SYTL1: variants seen among roughly 807,000 people sequenced by gnomAD.
SYTL1 encodes synaptotagmin-like protein 1.
A neutral mutation model predicts 74.6 loss-of-function variants in SYTL1; 53 were observed. The ratio of observed to expected loss-of-function variants is 0.71; its 90% CI spans 0.57 to 0.89. The LOEUF (loss-of-function observed/expected upper bound fraction) is 0.89, where lower values mean the gene tolerates loss of function less well. Among genes scored for constraint, SYTL1 ranks in the 40% least tolerant of loss-of-function variants. SYTL1 has a pLI of 0.00. For missense variants in SYTL1, 728 were observed against 768.7 expected (o/e 0.95, Z 0.63); for synonymous variants, 329 against 324.9 (o/e 1.01, Z -0.14).
At position 27,347,529 on chromosome 1, in the gene SYTL1, C is replaced by A. The variant is rs2015050630; in HGVS notation, c.300C>A (p.Asp100Glu). The stretch of plus-strand genomic sequence containing the variant: ...ACCACAATGCCCACTTCGGCTCTGA[C>A]CTTGTCCGAGCGTCTATGCGCAGGA... ...QRHHNAHFGS[D>E]LVRASMRRKK... The change falls in exon 3 of 15, where the codon GAC (aspartate) becomes GAA (glutamate). Residue 100 changes from aspartate to glutamate, a missense_variant. By Grantham distance (45) the Asp-to-Glu change is conservative. Transcript: ENST00000616558. This position sits in a 1 kb window ranked among gnomAD's most constrained non-coding sequence, Gnocchi z 4.9. 3.1e-6 allele frequency: 5 copies of A among 1,614,116 alleles called. No individual in the cohort carries two copies. Among genetic ancestry groups the A allele is most frequent in the Non-Finnish European group, 1.7e-6 (2 of 1,180,048 alleles).
rs2148033590 is a variant in SYTL1 at position 27,349,065 on chromosome 1, C to G, written c.460-15C>G. On this transcript the variant is annotated splice_polypyrimidine_tract_variant and intron_variant, in intron 5 of 14. Coordinates refer to ENST00000616558, the MANE Select transcript of SYTL1 (RefSeq NM_001193308.2). ...CAGCCCCCGTACTGTGACCTCTACC[C>G]CTTTCTTCCTTCAGGGACCTGATTT... The G allele has an allele frequency of 6.2e-7, 1 of 1,606,596 alleles. No homozygotes were observed. Among genetic ancestry groups the G allele is most frequent in the African/African-American group, 1.3e-5 (1 of 74,850 alleles).
At position 27,353,487 on chromosome 1, in the gene SYTL1, C is replaced by T. The variant is rs753718528; in HGVS notation, c.1548C>T (p.Thr516=). ...QLGGTRLSLG[T]GSSYGLQVPW... The stretch of plus-strand genomic sequence containing the variant: ...GGGGCACACGCCTCAGCCTGGGCAC[C>T]GGTAAGTGGGACAGCACCCTGAGAC... Residue 516 remains threonine (T), a splice_region_variant and synonymous_variant, in exon 14 of 15, where the codon ACC becomes ACT. Transcript: ENST00000616558. The T allele has an allele frequency of 5.8e-5, 92 of 1,595,562 alleles. No homozygotes were observed. The highest frequency in any genetic ancestry group is 7.3e-5 in the Non-Finnish European group (85 of 1,171,800).
Position 27,350,585 on chromosome 1 carries a change from G to A in SYTL1, c.1005+100G>A. ...GCAGCCAGTAACGTCATTGCCCGGA[G>A]GATCGGCGGAGGGGGCCCATTAACT... On this transcript the variant is annotated intron_variant, in intron 10 of 14. Transcript: ENST00000616558. The surrounding 1 kb of genome is among the most constrained non-coding windows in gnomAD (Gnocchi z 6.3). 1 of 1,159,298 alleles carries A rather than the reference G, an allele frequency of 8.6e-7. No individual in the cohort carries two copies. Among genetic ancestry groups the A allele is most frequent in the Non-Finnish European group, 1.2e-6 (1 of 805,066 alleles). 71.8% of individuals were successfully genotyped at this position (1,159,298 alleles called of 1,614,324 possible). A position where few individuals can be genotyped will look rare whatever the true frequency, so the allele number is the denominator to read the frequency against.
In SYTL1 at chr1:27,351,356, G is replaced by A. The variant is rs1193033133; in HGVS notation, c.1243+20G>A. On this transcript the variant is annotated intron_variant, in intron 12 of 14. Coordinates refer to ENST00000616558, the MANE Select transcript of SYTL1 (RefSeq NM_001193308.2). This position sits in a 1 kb window ranked among gnomAD's most constrained non-coding sequence, Gnocchi z 5.0. ...CCGAGGGTGAGTGACAGCCGGAGAGGCCAAGCTGGACACGCCCTGAAAAGC... is the reference window on the plus strand; with the variant it reads ...CCGAGGGTGAGTGACAGCCGGAGAGACCAAGCTGGACACGCCCTGAAAAGC... 1 of 1,532,914 alleles carries A rather than the reference G, an allele frequency of 6.5e-7. No homozygotes were observed. The highest frequency in any genetic ancestry group is 1.2e-5 in the South Asian group (1 of 81,636). 95.0% of individuals were successfully genotyped at this position (1,532,914 alleles called of 1,614,324 possible).
Position 27,348,451 on chromosome 1 carries a change from C to T in SYTL1, c.459+439C>T, listed in dbSNP as rs1228808153. Among the ~76,000 whole-genome samples, 3 of 152,088 alleles carry T rather than the reference C, an allele frequency of 2.0e-5. No homozygotes were observed. The highest frequency in any genetic ancestry group is 7.2e-5 in the African/African-American group (3 of 41,482). ...AAAAAAAAGGCCGGTCGTGGCAGCT[C>T]ACGCCTATAATCCCAGCACTTTGGG... On this transcript the variant is annotated intron_variant, in intron 5 of 14. Coordinates refer to ENST00000616558, the MANE Select transcript of SYTL1 (RefSeq NM_001193308.2). This position sits in a 1 kb window ranked among gnomAD's most constrained non-coding sequence, Gnocchi z 4.1.
rs2014886629 is a variant in SYTL1, at chr1:27,343,938, T to C, written c.-38-1359T>C. ...CATATGCTGTGTGCAGGTTTTTTTG[T>C]TAGTTTTTGTTTTGAGACGGAGTCT... On this transcript the variant is annotated intron_variant, in intron 1 of 14. Transcript: ENST00000616558. This position sits in a 1 kb window ranked among gnomAD's most constrained non-coding sequence, Gnocchi z 5.2. Among the ~76,000 whole-genome samples, 1 of 152,160 alleles carries C rather than the reference T, an allele frequency of 6.6e-6. No homozygotes were observed. The highest frequency in any genetic ancestry group is 6.5e-5 in the Admixed American group (1 of 15,270).
chr1:27,350,126 C>A lies in SYTL1; in HGVS notation c.902C>A (p.Ser301Ter), dbSNP rs1571042384. The change falls in exon 9 of 15, where the codon TCG becomes TAG. Residue 301 changes from serine (S) to a stop codon, truncating the protein, a stop_gained. Coordinates refer to ENST00000616558, the MANE Select transcript of SYTL1 (RefSeq NM_001193308.2). LOFTEE classifies it high-confidence loss of function. The surrounding 1 kb of genome is among the most constrained non-coding windows in gnomAD (Gnocchi z 6.3). ...QGLAAARRRR[S>*]DPYVKSYLLP... ...CTGGCCGCCGCCCGGCGCCGCCGCT[C>A]GGACCCGTGAGTGCCCCGCCGGCCA... is the stretch of plus-strand genomic sequence containing the variant. The A allele has an allele frequency of 7.2e-7, 1 of 1,396,046 alleles. No homozygotes were observed. The highest frequency in any genetic ancestry group is 1.6e-5 in the South Asian group (1 of 61,588). 86.5% of individuals were successfully genotyped at this position (1,396,046 alleles called of 1,614,324 possible). A position where few individuals can be genotyped will look rare whatever the true frequency, so the allele number is the denominator to read the frequency against.
Position 27,345,217 on chromosome 1 carries a change from T to G in SYTL1, c.-38-80T>G. On this transcript the variant is annotated intron_variant, in intron 1 of 14. Coordinates refer to ENST00000616558, the MANE Select transcript of SYTL1 (RefSeq NM_001193308.2). The surrounding 1 kb of genome is among the most constrained non-coding windows in gnomAD (Gnocchi z 6.0). ...ACCCTACCCATACCCGGCCAAGTGT[T>G]TGGGGAGAAAAGGGCTGTTGGTTCT... 1.3e-6 allele frequency: 1 copy of G among 771,296 alleles called. No individual in the cohort carries two copies. Among genetic ancestry groups the G allele is most frequent in the Non-Finnish European group, 2.0e-6 (1 of 512,736 alleles). 47.8% of individuals were successfully genotyped at this position (771,296 alleles called of 1,614,324 possible).
rs998751941 is a variant in SYTL1 at position 27,346,500 on chromosome 1, C to T, written c.192-921C>T. ...AGGAATTGGCCAGAGATAGTGGCAA[C>T]GCCTGTAATCCTAGCACTTTGAGAG... On this transcript the variant is annotated intron_variant, in intron 2 of 14. Coordinates refer to ENST00000616558, the MANE Select transcript of SYTL1 (RefSeq NM_001193308.2). Among the ~76,000 whole-genome samples, 31 of 152,280 alleles carry T rather than the reference C, an allele frequency of 2.0e-4. No individual in the cohort carries two copies. The South Asian group carries it at 4.3e-3, about 21-fold the overall frequency.
chr1:27,346,116 C>T (rs2014992152), intron 2 of SYTL1, among the ~76,000 whole-genome samples: 1 of 152,116 alleles, frequency 6.6e-6, no homozygotes, highest in South Asian at 2.1e-4. Context: ...AAAACTTCCC[C>T]TGGCTCCCCA....
Position 27,348,174 on chromosome 1 carries a change from G to A in SYTL1, c.459+162G>A, listed in dbSNP as rs770882405. Reference sequence around the variant, plus strand: ...CCTCCTGGGTGGAACAGTGGTGAACGGTGGGGAACGGTGGTGAATGGTGGT... The same window carrying A: ...CCTCCTGGGTGGAACAGTGGTGAACAGTGGGGAACGGTGGTGAATGGTGGT... On this transcript the variant is annotated intron_variant, in intron 5 of 14. Coordinates refer to ENST00000616558, the MANE Select transcript of SYTL1 (RefSeq NM_001193308.2). This position sits in a 1 kb window ranked among gnomAD's most constrained non-coding sequence, Gnocchi z 4.1. Among the ~76,000 whole-genome samples, 2 of 152,160 alleles carry A rather than the reference G, an allele frequency of 1.3e-5. No homozygotes were observed. Among genetic ancestry groups the A allele is most frequent in the East Asian group, 1.9e-4 (1 of 5,190 alleles).
intron 2 of SYTL1, among the ~76,000 whole-genome samples, chr1:27,346,162 G>T (rs976750606): frequency 1.3e-5 from 2 of 152,024 alleles, no homozygotes; most frequent in Non-Finnish European, 2.9e-5. Flanking sequence ...GGTCCACTGG[G>T]CCTCCCTGGT....
rs763028028 is a variant in SYTL1, at chr1:27,351,513, T to A, written c.1301T>A (p.Leu434His). ...TTCTGGGTGAAGGAGGCTCGGGACC[T>A]CCTGCCGCTGCGGGCAGGATCCCTG... is the stretch of plus-strand genomic sequence containing the variant. ...LHFWVKEARD[L>H]LPLRAGSLDT... Residue 434 changes from leucine to histidine, a missense_variant, in exon 13 of 15, where the codon CTC becomes CAC. Physicochemically the swap from Leu to His is moderately conservative, Grantham distance 99. Coordinates refer to ENST00000616558, the MANE Select transcript of SYTL1 (RefSeq NM_001193308.2). This position sits in a 1 kb window ranked among gnomAD's most constrained non-coding sequence, Gnocchi z 5.0. 1 of 1,549,054 alleles carries A rather than the reference T, an allele frequency of 6.5e-7. No homozygotes were observed. The highest frequency in any genetic ancestry group is 8.7e-7 in the Non-Finnish European group (1 of 1,146,184).
rs770851020 is a variant in SYTL1, at chr1:27,350,010, G to C, written c.786G>C (p.Glu262Asp). ...GSQMSLSGDA[E>D]AVQVRGSVHF... ...AGATGAGCCTGTCAGGCGACGCGGA[G>C]GCGGTGCAGGTCCGCGGCTCCGTGC... Residue 262 changes from glutamate to aspartate, a missense_variant, in exon 9 of 15, where the codon GAG becomes GAC. Coordinates refer to ENST00000616558, the MANE Select transcript of SYTL1 (RefSeq NM_001193308.2). This position sits in a 1 kb window ranked among gnomAD's most constrained non-coding sequence, Gnocchi z 6.3. The C allele has an allele frequency of 1.3e-6, 2 of 1,561,736 alleles. No homozygotes were observed. Among genetic ancestry groups the C allele is most frequent in the South Asian group, 2.3e-5 (2 of 86,170 alleles).
rs987849813 is a variant in SYTL1, at chr1:27,348,213, C to T, written c.459+201C>T. Among the ~76,000 whole-genome samples the T allele has an allele frequency of 2.0e-5, 3 of 152,004 alleles. No homozygotes were observed. On this transcript the variant is annotated intron_variant, in intron 5 of 14. Transcript: ENST00000616558. The surrounding 1 kb of genome is among the most constrained non-coding windows in gnomAD (Gnocchi z 4.1). Reference sequence around the variant, plus strand: ...GTGAATGGTGGTAAACAGTGGTGAACGGTGGTGAACAGTGAGTGGTATATG... The same window carrying T: ...GTGAATGGTGGTAAACAGTGGTGAATGGTGGTGAACAGTGAGTGGTATATG...
Position 27,350,553 on chromosome 1 carries a change from G to C in SYTL1, c.1005+68G>C. ...ACGCCCCCTTCCTGCGGGGCTAGGT[G>C]GCAAGGGCAGCCAGTAACGTCATTG... On this transcript the variant is annotated intron_variant, in intron 10 of 14. Coordinates refer to ENST00000616558, the MANE Select transcript of SYTL1 (RefSeq NM_001193308.2). This position sits in a 1 kb window ranked among gnomAD's most constrained non-coding sequence, Gnocchi z 6.3. The C allele has an allele frequency of 7.3e-7, 1 of 1,361,720 alleles. No individual in the cohort carries two copies. Among genetic ancestry groups the C allele is most frequent in the Non-Finnish European group, 1.0e-6 (1 of 971,900 alleles). The allele number at this position is 1,361,720 out of a possible 1,614,324, so 84.4% of individuals were successfully genotyped here.
chr1:27,350,481 T>C lies in SYTL1; in HGVS notation c.1001T>C (p.Leu334Pro). The change falls in exon 10 of 15, where the codon CTC becomes CCC. Residue 334 changes from leucine (L) to proline (P), a missense_variant. Coordinates refer to ENST00000616558, the MANE Select transcript of SYTL1 (RefSeq NM_001193308.2). This position sits in a 1 kb window ranked among gnomAD's most constrained non-coding sequence, Gnocchi z 6.3. Reference protein sequence around the residue: ...RNLNPVFNETLRYSVPQAELQ... With the variant: ...RNLNPVFNETPRYSVPQAELQ... ...CTGAATCCGGTTTTCAACGAGACTCTCCGGGTGAGGCTGTGACCACGATGC... is the reference window on the plus strand; with the variant it reads ...CTGAATCCGGTTTTCAACGAGACTCCCCGGGTGAGGCTGTGACCACGATGC... 6.2e-7 allele frequency: 1 copy of C among 1,612,248 alleles called. No homozygotes were observed. The highest frequency in any genetic ancestry group is 8.5e-7 in the Non-Finnish European group (1 of 1,179,024).
Position 27,345,528 on chromosome 1 carries a change from A to T in SYTL1, c.191+3A>T. On this transcript the variant is annotated splice_donor_region_variant and intron_variant, in intron 2 of 14. Coordinates refer to ENST00000616558, the MANE Select transcript of SYTL1 (RefSeq NM_001193308.2). The surrounding 1 kb of genome is among the most constrained non-coding windows in gnomAD (Gnocchi z 6.0). ...CAGCTGGAGGAGGGGCGGGTCAGGT[A>T]AGGCAGGGCAGACCCTGGCCGGGGA... 6.5e-7 allele frequency: 1 copy of T among 1,546,520 alleles called. No homozygotes were observed. The highest frequency in any genetic ancestry group is 8.7e-7 in the Non-Finnish European group (1 of 1,144,124).
Position 27,342,237 on chromosome 1 carries a change from T to G in SYTL1, c.-39+87T>G. On this transcript the variant is annotated intron_variant, in intron 1 of 14. Coordinates refer to ENST00000616558, the MANE Select transcript of SYTL1 (RefSeq NM_001193308.2). This position sits in a 1 kb window ranked among gnomAD's most constrained non-coding sequence, Gnocchi z 4.7. The stretch of plus-strand genomic sequence containing the variant: ...GTATCCTGAGCACCCTCCAGCACCT[T>G]GGGGTTGGGGGAGGTGGGCACATGT... 20 of 644,794 alleles carry G rather than the reference T, an allele frequency of 3.1e-5. No individual in the cohort carries two copies. The highest frequency in any genetic ancestry group is 3.7e-5 in the Non-Finnish European group (19 of 519,058). The allele number at this position is 644,794 out of a possible 1,614,324, so 39.9% of individuals were successfully genotyped here.
Sources: gnomAD v4.1 joint callset for allele counts (sites outside exome capture counted in the v4.1 genomes callset) on GRCh38, gnomAD v4.1.1 for gene constraint, Gnocchi (gnomAD v3.1) non-coding constraint, MANE v1.5 for transcripts, NCBI Gene and HGNC (gene_info 2026-07-23, HGNC 2026-07-21) for gene names.